Variants in MAST4 observed in about 807,000 individuals in gnomAD.
MAST4 encodes the protein microtubule-associated serine/threonine-protein kinase 4.
MAST4 carries 89 observed loss-of-function variants against 162.7 expected under a neutral mutation model. That is an observed-to-expected ratio of 0.55 (90% CI 0.46 to 0.65). The LOEUF (loss-of-function observed/expected upper bound fraction) is 0.65. Among genes scored for constraint, MAST4 ranks in the 30% least tolerant of loss-of-function variants. The pLI is 0.00. For synonymous variants in MAST4, 1,479 were observed against 1,361.1 expected (o/e 1.09, Z -1.91); for missense variants, 3,153 against 3,374.0 (o/e 0.93, Z 1.62).
rs200030700 is a variant in MAST4, at chr5:66,624,146, G to GTTTTTTTTT, written c.363+27143_363+27151dup. On this transcript the variant is annotated intron_variant, in intron 1 of 28. Transcript: ENST00000403625. ...TTGGAAGAATTAATATTGTTAAAAT[G>GTTTTTTTTT]TTTTTTTTTTTTTTTTTTTTTTTGA... 8.0e-3 allele frequency among the ~76,000 whole-genome samples: 722 copies of GTTTTTTTTT among 90,080 alleles called. 63 individuals are homozygous for GTTTTTTTTT. Among genetic ancestry groups the GTTTTTTTTT allele is most frequent in the Non-Finnish European group, 0.01 (519 of 50,008 alleles). The allele number at this position is 90,080 out of a possible 152,430, so 59.1% of individuals were successfully genotyped here.
chr5:67,074,766 C>T (rs1215523527), intron 5 of MAST4, among the ~76,000 whole-genome samples: 2 of 152,122 alleles, frequency 1.3e-5, no homozygotes, highest in Admixed American at 6.6e-5. Flanking sequence ...AATAAAGACA[C>T]TACAATATTA....
At chr5:66,849,991 T>C (rs957023581) in intron 3 of MAST4, among the ~76,000 whole-genome samples, 1 of 152,178 alleles carries the variant, frequency 6.6e-6, no homozygotes, top group Non-Finnish European at 1.5e-5. Context: ...TTATTTATAG[T>C]GGTTACATCA....
At chr5:66,959,230 T>C (rs748221844) in intron 4 of MAST4, 2 of 779,636 alleles carry the variant, frequency 2.6e-6, no homozygotes, top group East Asian at 4.8e-5. Context: ...CAATAGAGTG[T>C]GCTAACATAT....
chr5:66,974,615 C>G (rs1026763474), intron 4 of MAST4, among the ~76,000 whole-genome samples: 2 of 152,204 alleles, frequency 1.3e-5, no homozygotes, highest in African/African-American at 4.8e-5. Context: ...TTTCCTTCGT[C>G]TCCAGCTTCT....
chr5:66,649,060 C>T (rs1396415576), intron 1 of MAST4, among the ~76,000 whole-genome samples: 1 of 152,122 alleles, frequency 6.6e-6, no homozygotes, highest in Non-Finnish European at 1.5e-5. Flanking sequence ...ATGTGGTGGT[C>T]TCCAAATGCC....
chr5:66,695,178 C>A (rs1749318953), intron 1 of MAST4, among the ~76,000 whole-genome samples: 1 of 152,116 alleles, frequency 6.6e-6, no homozygotes, highest in Admixed American at 6.5e-5. Flanking sequence ...TGTAATCCAT[C>A]TTGAGTTAAT....
chr5:66,887,588 C>G (rs1342321337), intron 3 of MAST4, among the ~76,000 whole-genome samples: 1 of 152,210 alleles, frequency 6.6e-6, no homozygotes, highest in African/African-American at 2.4e-5. Context: ...CTTTGCTTGT[C>G]TGTTTTTAAT....
intron 3 of MAST4, among the ~76,000 whole-genome samples, chr5:66,823,086 T>C (rs975794320): frequency 6.6e-6 from 1 of 152,158 alleles, no homozygotes; most frequent in Admixed American, 6.5e-5. Flanking sequence ...CTGGTGGTTT[T>C]ATAAGGGGCT....
At chr5:67,020,153 T>G (rs1753798650) in intron 4 of MAST4, among the ~76,000 whole-genome samples, 1 of 152,220 alleles carries the variant, frequency 6.6e-6, no homozygotes, top group Non-Finnish European at 1.5e-5. Context: ...GCAATTCAGA[T>G]CAGCAGATAA....
chr5:66,921,118 A>G (rs71626477), intron 4 of MAST4, among the ~76,000 whole-genome samples: 2,636 of 152,316 alleles, frequency 0.017, 44 homozygotes, highest in South Asian at 0.053. Context: ...GAATAAGGTC[A>G]GGTGGCAGGG....
chr5:66,818,430 T>C (rs1346232833), intron 3 of MAST4, among the ~76,000 whole-genome samples: 1 of 146,414 alleles, frequency 6.8e-6, no homozygotes, highest in Non-Finnish European at 1.5e-5. Context: ...CCACTAAAAA[T>C]AAAAAAAAAA....
At chr5:66,885,060 C>A (rs1761950402) in intron 3 of MAST4, among the ~76,000 whole-genome samples, 1 of 152,212 alleles carries the variant, frequency 6.6e-6, no homozygotes, top group Non-Finnish European at 1.5e-5. Context: ...TCTCCTAGAG[C>A]TCTGTCATGC....
chr5:66,810,979 T>C (rs1756448232), intron 3 of MAST4, among the ~76,000 whole-genome samples: 1 of 152,322 alleles, frequency 6.6e-6, no homozygotes, highest in Non-Finnish European at 1.5e-5. Flanking sequence ...CCCTCTATTC[T>C]TCTAAGTGGG....
intron 4 of MAST4, among the ~76,000 whole-genome samples, chr5:67,039,424 G>GT (rs1264654069): frequency 6.6e-6 from 1 of 152,218 alleles, no homozygotes; most frequent in Non-Finnish European, 1.5e-5. Context: ...CAGGGACACA[G>GT]TGAACAGGAA....
intron 8 of MAST4, 163 bp from the exon 9 acceptor site, chr5:67,102,373 G>A (rs1765124807): frequency 2.9e-6 from 2 of 697,234 alleles, no homozygotes; most frequent in Non-Finnish European, 2.6e-6. Flanking sequence ...GGGAATGTAT[G>A]TGTGCATGTG....
intron 1 of MAST4, among the ~76,000 whole-genome samples, chr5:66,691,584 A>G (rs1749042772): frequency 6.6e-6 from 1 of 152,188 alleles, no homozygotes; most frequent in Admixed American, 6.5e-5. Flanking sequence ...TGGGAAGTTC[A>G]AGGTTAAGGT....
chr5:66,883,337 C>A (rs1014200178), intron 3 of MAST4, among the ~76,000 whole-genome samples: 2 of 150,716 alleles, frequency 1.3e-5, no homozygotes, highest in South Asian at 4.2e-4. Flanking sequence ...TTCAAGGAGA[C>A]TAGGAAATTT....
At chr5:66,874,981 G>A (rs946650968) in intron 3 of MAST4, among the ~76,000 whole-genome samples, 3 of 152,148 alleles carry the variant, frequency 2.0e-5, no homozygotes, top group African/African-American at 4.8e-5. Flanking sequence ...TAATATAAAG[G>A]TAATGGAAAA....
intron 4 of MAST4, among the ~76,000 whole-genome samples, chr5:67,029,149 A>G (rs936379748): frequency 6.6e-6 from 1 of 151,626 alleles, no homozygotes. Flanking sequence ...AAAAAAAGTC[A>G]TATACATAAA....
Sources: gnomAD v4.1 joint callset for allele counts (sites outside exome capture counted in the v4.1 genomes callset) on GRCh38, gnomAD v4.1.1 for gene constraint, MANE v1.5 for transcripts, NCBI Gene and HGNC (gene_info 2026-07-23, HGNC 2026-07-21) for gene names.